CASP6: variants seen among roughly 807,000 people sequenced by gnomAD.
The protein encoded by CASP6 is caspase-6.
CASP6 carries 20 observed loss-of-function variants against 31.8 expected under a neutral mutation model. The observed-to-expected ratio is 0.63, with a 90% confidence interval of 0.44 to 0.91. CASP6 has a LOEUF of 0.91. CASP6 is among the 40% of genes least tolerant of loss of function. The pLI, the probability that CASP6 is intolerant of heterozygous loss-of-function variation, is 0.00. For synonymous variants in CASP6, 130 were observed against 127.8 expected, an observed-to-expected ratio of 1.02 and a Z score of -0.12; for missense variants, 328 against 361.1, an observed-to-expected ratio of 0.91 and a Z score of 0.74.
chr4:109,665,340 C>G, the CASP6 span, among the ~76,000 whole-genome samples: 1 of 151,894 alleles, frequency 6.6e-6, no homozygotes, highest in Non-Finnish European at 1.5e-5. Context: ...TTTTTATGAC[C>G]AGAAATATGC....
At chr4:109,665,907 A>G in the CASP6 span, among the ~76,000 whole-genome samples, 1 of 151,910 alleles carries the variant, frequency 6.6e-6, no homozygotes, top group East Asian at 1.9e-4. Context: ...AACAGGGAAA[A>G]TACTAAACAG....
intron 1 of CASP6, among the ~76,000 whole-genome samples, chr4:109,699,746 C>T (rs1008108814): frequency 1.3e-5 from 2 of 152,174 alleles, no homozygotes; most frequent in African/African-American, 4.8e-5. Flanking sequence ...CTGTTTAATC[C>T]GACCTTTGCC....
intron 1 of CASP6, among the ~76,000 whole-genome samples, 181 bp downstream of exon 1, chr4:109,703,175 C>T (rs1730481211): frequency 6.6e-6 from 1 of 152,156 alleles, no homozygotes; most frequent in African/African-American, 2.4e-5. Flanking sequence ...AAGCGCGAAA[C>T]CGTCCCCACC....
At chr4:109,683,418 G>GT in the CASP6 span, among the ~76,000 whole-genome samples, 5 of 151,872 alleles carry the variant, frequency 3.3e-5, no homozygotes, top group East Asian at 1.9e-4. Context: ...GACTTGTTTG[G>GT]TTTTTTTTAT....
the CASP6 span, among the ~76,000 whole-genome samples, chr4:109,666,103 T>C: frequency 6.6e-6 from 1 of 152,126 alleles, no homozygotes; most frequent in East Asian, 1.9e-4. Flanking sequence ...GTAATATGCA[T>C]TTAAGTTTCT....
the CASP6 span, among the ~76,000 whole-genome samples, chr4:109,675,417 C>T: frequency 6.6e-6 from 1 of 152,232 alleles, no homozygotes; most frequent in Admixed American, 6.5e-5. Flanking sequence ...TCACACCACA[C>T]ACACTAAGAG....
upstream of CASP6, among the ~76,000 whole-genome samples, chr4:109,707,824 CCAAA>C (rs927987795): frequency 3.0e-4 from 46 of 152,096 alleles, no homozygotes; most frequent in African/African-American, 1.1e-3. Context: ...AAAATAGCAG[CCAAA>C]CAGTGTGCCA....
chr4:109,690,193 A>T (rs1017718152), intron 6 of CASP6, among the ~76,000 whole-genome samples: 1 of 149,764 alleles, frequency 6.7e-6, no homozygotes, highest in African/African-American at 2.5e-5. Flanking sequence ...AAAAAAAAAA[A>T]AATACACACA....
At chr4:109,681,880 G>C in the CASP6 span, among the ~76,000 whole-genome samples, 1 of 152,230 alleles carries the variant, frequency 6.6e-6, no homozygotes, top group Non-Finnish European at 1.5e-5. Flanking sequence ...GCAGTTTCAA[G>C]ATTTAATAGT....
intron 1 of CASP6, 24 bp downstream of exon 1, chr4:109,703,332 G>A: frequency 6.2e-7 from 1 of 1,602,204 alleles, no homozygotes; most frequent in Non-Finnish European, 8.5e-7. Context: ...CCTGCTCGGT[G>A]CCCAGTCGAC....
chr4:109,701,483 C>A (rs977778750), intron 1 of CASP6, among the ~76,000 whole-genome samples: 2 of 151,798 alleles, frequency 1.3e-5, no homozygotes, highest in Admixed American at 1.3e-4. Context: ...GGCTGCAGTG[C>A]AGTGGCGCAA....
chr4:109,665,241 A>T, the CASP6 span, among the ~76,000 whole-genome samples: 2 of 152,218 alleles, frequency 1.3e-5, no homozygotes, highest in African/African-American at 4.8e-5. Context: ...TGTTTTTATT[A>T]ATCTTTCTTA....
chr4:109,702,260 C>T (rs563636895), intron 1 of CASP6, among the ~76,000 whole-genome samples: 3 of 152,206 alleles, frequency 2.0e-5, no homozygotes, highest in Non-Finnish European at 4.4e-5. Flanking sequence ...GCACCATTTC[C>T]TTTGTGCAGC....
chr4:109,672,921 C>G, the CASP6 span, among the ~76,000 whole-genome samples: 1 of 152,174 alleles, frequency 6.6e-6, no homozygotes. Flanking sequence ...TCACTTTTAT[C>G]AGCCATTTCT....
the CASP6 span, chr4:109,682,667 GTC>G: frequency 1.2e-6 from 2 of 1,613,296 alleles, no homozygotes; most frequent in Non-Finnish European, 1.7e-6. Flanking sequence ...ATTTAGAAGA[GTC>G]TCAGAAAAAG....
the CASP6 span, among the ~76,000 whole-genome samples, chr4:109,709,425 G>A: frequency 5.3e-3 from 807 of 152,256 alleles, 8 homozygotes; most frequent in African/African-American, 0.019. Context: ...GATACACTAA[G>A]TTAACTGACA....
At chr4:109,671,558 T>G in the CASP6 span, among the ~76,000 whole-genome samples, 7 of 152,182 alleles carry the variant, frequency 4.6e-5, no homozygotes, top group Admixed American at 1.3e-4. Context: ...TGGTTTTTAT[T>G]TCTAGCAATT....
the CASP6 span, among the ~76,000 whole-genome samples, chr4:109,670,355 G>A: frequency 6.6e-6 from 1 of 152,134 alleles, no homozygotes; most frequent in African/African-American, 2.4e-5. Context: ...GGTTAACTAA[G>A]CTCTAATGAA....
At chr4:109,690,247 A>AAAACACAC (rs61007363) in intron 6 of CASP6, among the ~76,000 whole-genome samples, 4 of 143,410 alleles carry the variant, frequency 2.8e-5, no homozygotes, top group Admixed American at 2.1e-4. Flanking sequence ...AAAAAAAAAA[A>AAAACACAC]ACGCACGCAC....
Sources: gnomAD v4.1 joint callset for allele counts (sites outside exome capture counted in the v4.1 genomes callset) on GRCh38, gnomAD v4.1.1 for gene constraint, MANE v1.5 for transcripts, NCBI Gene and HGNC (gene_info 2026-07-23, HGNC 2026-07-21) for gene names.